The following NBN variants were observed in gnomAD, a reference collection of about 807,000 sequenced individuals.
NBN encodes Nijmegen breakage syndrome 1 (nibrin).
In NBN, 88 loss-of-function variants were observed where a neutral mutation model predicts 90.8. The observed-to-expected ratio is 0.97, with a 90% CI of 0.82 to 1.16. The LOEUF (loss-of-function observed/expected upper bound fraction) is 1.16, where lower values mean the gene tolerates loss of function less well. Among genes scored for constraint, NBN ranks in the 50% most tolerant of loss-of-function variants. The pLI is 0.00. For missense variants in NBN, 894 were observed against 869.6 expected (o/e 1.03, Z -0.35); for synonymous variants, 328 against 295.1 (o/e 1.11, Z -1.14).
At chr8:89,971,137 T>C in intron 6 of NBN, 36 bp downstream of exon 6, 1 of 1,585,116 alleles carries the variant, frequency 6.3e-7, no homozygotes, top group Non-Finnish European at 8.6e-7. Flanking sequence ...GTTTGTAATG[T>C]ATTCTTTAGG....
At position 89,933,585 on chromosome 8, in the gene NBN, GA is replaced by G. The variant is rs902712072; in HGVS notation, c.*1996del. 8.6e-6 allele frequency: 2 copies of G among 231,356 alleles called. No individual in the cohort carries two copies. The highest frequency in any genetic ancestry group is 6.2e-5 in the East Asian group (1 of 16,248). The allele number at this position is 231,356 out of a possible 1,614,324, so 14.3% of individuals were successfully genotyped here. On this transcript the variant is annotated 3_prime_UTR_variant, in exon 16 of 16. Coordinates refer to ENST00000265433, the MANE Select transcript of NBN (RefSeq NM_002485.5). ...ACAATGACTGGATACTTGTATGGGG[GA>G]AAAAAAGAACCCTGATCCATAATTC...
At position 89,958,745 on chromosome 8, in the gene NBN, T is replaced by C. The variant is rs777235726; in HGVS notation, c.1104A>G (p.Glu368=). 6.2e-7 allele frequency: 1 copy of C among 1,614,122 alleles called. No homozygotes were observed. The highest frequency in any genetic ancestry group is 8.5e-7 in the Non-Finnish European group (1 of 1,179,972). ...TTTACCATGTATCTGCTTGCTCTGA[T>C]TCTGTGTCAGCTACGTATGTTGTAG... is the stretch of plus-strand genomic sequence containing the variant. The part of the protein sequence containing the change: ...VNTTTYVADT[E]SEQADTWDLS... The change falls in exon 9 of 16, where the codon GAA becomes GAG. Residue 368 remains glutamate (E), a synonymous_variant. Transcript: ENST00000265433.
At position 89,964,339 on chromosome 8, in the gene NBN, T is replaced by C. The variant is rs564893606; in HGVS notation, c.994+71A>G. The C allele has an allele frequency of 3.1e-4, 465 of 1,519,850 alleles. 9 individuals are homozygous for C. In the South Asian group the frequency reaches 3.9e-3, roughly 13 times the overall value. The allele number at this position is 1,519,850 out of a possible 1,614,324, so 94.1% of individuals were successfully genotyped here. On this transcript the variant is annotated intron_variant, in intron 8 of 15. Coordinates refer to ENST00000265433, the MANE Select transcript of NBN (RefSeq NM_002485.5). ...TGGTCACCCCTAGCAAGTATATGAGTAACGTATATTTAGCTTATCGATTTA... is the reference window on the plus strand; with the variant it reads ...TGGTCACCCCTAGCAAGTATATGAGCAACGTATATTTAGCTTATCGATTTA...
rs1195959258 is a variant in NBN at position 89,935,086 on chromosome 8, T to TAG, written c.*495_*496insCT. The TAG allele has an allele frequency of 4.3e-6, 1 of 234,204 alleles. No individual in the cohort carries two copies. The highest frequency in any genetic ancestry group is 8.4e-6 in the Non-Finnish European group (1 of 119,052). 14.5% of individuals were successfully genotyped at this position (234,204 alleles called of 1,614,324 possible). ...AAAAATATTAAAAACATTATATTGA[T>TAG]ATTCCTATAATTTTTAATCTACTAA... On this transcript the variant is annotated 3_prime_UTR_variant, in exon 16 of 16. Transcript: ENST00000265433.
At chr8:89,978,162 T>C in intron 5 of NBN, 58 bp downstream of exon 5, 1 of 1,423,102 alleles carries the variant, frequency 7.0e-7, no homozygotes. Context: ...TTAACTTAAA[T>C]AAAAATCAAT....
rs768035973 is a variant in NBN at position 89,971,311 on chromosome 8, T to C, written c.585-21A>G. On this transcript the variant is annotated intron_variant, in intron 5 of 15. Transcript: ENST00000265433. ...AAAAACTGTAAAAATAATTAAAGTA[T>C]ATTCTAATTATATACTACTATGTTT... 2.5e-6 allele frequency: 4 copies of C among 1,589,052 alleles called. 1 individual carries two copies. In the South Asian group the frequency reaches 4.5e-5, roughly 18 times the overall value.
chr8:89,946,553 G>A, intron 12 of NBN: 1 of 404,378 alleles, frequency 2.5e-6, no homozygotes, highest in Non-Finnish European at 4.5e-6. Context: ...AAACTGTGAA[G>A]CATTTTTAAC....
chr8:89,943,369 A>G lies in NBN; in HGVS notation c.2071-3T>C, dbSNP rs1266067919. The stretch of plus-strand genomic sequence containing the variant: ...TTTCCTGCTCCAGGATATGTGACCT[A>G]TTGAATAATAAAAGTAGTACAGTAA... On this transcript the variant is annotated splice_region_variant and splice_polypyrimidine_tract_variant and intron_variant, in intron 13 of 15. Coordinates refer to ENST00000265433, the MANE Select transcript of NBN (RefSeq NM_002485.5). 1 of 1,600,512 alleles carries G rather than the reference A, an allele frequency of 6.2e-7. No individual in the cohort carries two copies.
intron 5 of NBN, 71 bp downstream of exon 5, chr8:89,978,149 G>T: frequency 1.6e-6 from 2 of 1,276,240 alleles, no homozygotes; most frequent in Non-Finnish European, 2.3e-6. Context: ...ATTAAAGAGG[G>T]AATTAACTTA....
intron 6 of NBN, among the ~76,000 whole-genome samples, chr8:89,970,820 T>C (rs1811481761): frequency 1.3e-5 from 2 of 152,140 alleles, no homozygotes; most frequent in South Asian, 4.1e-4. Flanking sequence ...CACTACAACA[T>C]AAACTCTTGG....
intron 1 of NBN, among the ~76,000 whole-genome samples, chr8:89,983,462 A>AT: frequency 6.6e-6 from 1 of 152,176 alleles, no homozygotes; most frequent in South Asian, 2.1e-4. Flanking sequence ...AAAAATGTGA[A>AT]TAATATAATA....
At chr8:89,939,452 G>GA (rs1809837008) in intron 14 of NBN, among the ~76,000 whole-genome samples, 1 of 149,500 alleles carries the variant, frequency 6.7e-6, no homozygotes, top group Admixed American at 6.6e-5. Context: ...AAAAAAAATA[G>GA]AAAAAAGTCA....
chr8:89,956,042 T>C (rs1323056164), intron 9 of NBN, among the ~76,000 whole-genome samples: 3 of 151,894 alleles, frequency 2.0e-5, no homozygotes, highest in Admixed American at 1.3e-4. Flanking sequence ...CTGATATCAT[T>C]ATTTCAGCCA....
intron 13 of NBN, among the ~76,000 whole-genome samples, chr8:89,944,475 G>A (rs559692273): frequency 6.6e-6 from 1 of 152,254 alleles, no homozygotes; most frequent in South Asian, 2.1e-4. Flanking sequence ...AGTGTGCTCA[G>A]TCCTCTCGCT....
At chr8:89,947,417 G>A (rs1054015735) in intron 12 of NBN, among the ~76,000 whole-genome samples, 5 of 152,114 alleles carry the variant, frequency 3.3e-5, no homozygotes, top group African/African-American at 4.8e-5. Context: ...ATCACCTGAG[G>A]TCGGGAGTTC....
At chr8:89,953,189 C>G (rs1403942953) in intron 11 of NBN, 55 bp downstream of exon 11, 14 of 1,283,636 alleles carry the variant, frequency 1.1e-5, no homozygotes, top group Non-Finnish European at 1.5e-5. Context: ...TCGAAAGTAC[C>G]TGTTAGCATT....
At chr8:89,937,213 A>G (rs764427399) in intron 14 of NBN, 138 bp from the exon 15 acceptor site, 45 of 722,430 alleles carry the variant, frequency 6.2e-5, no homozygotes, top group Non-Finnish European at 1.1e-4. Context: ...TGCCTCTACA[A>G]TATTTCATTC....
In NBN at chr8:89,981,448, T is replaced by A. The variant is rs955258267; in HGVS notation, c.247A>T (p.Met83Leu). The change falls in exon 3 of 16, where the codon ATG becomes TTG. Residue 83 changes from methionine to leucine, a missense_variant. Physicochemically the swap from Met to Leu is conservative, Grantham distance 15. Coordinates refer to ENST00000265433, the MANE Select transcript of NBN (RefSeq NM_002485.5). ...AAAGTTCGGGAAAAGCCATTCTGCA[T>A]TTTTTCCTCATTAACAAAGGTACCA... ...KYGTFVNEEK[M>L]QNGFSRTLKS... 1.2e-6 allele frequency: 2 copies of A among 1,614,042 alleles called. No homozygotes were observed. Among genetic ancestry groups the A allele is most frequent in the Non-Finnish European group, 1.7e-6 (2 of 1,179,934 alleles).
chr8:89,941,714 A>T (rs1233719489), intron 14 of NBN, among the ~76,000 whole-genome samples: 1 of 152,162 alleles, frequency 6.6e-6, no homozygotes, highest in Admixed American at 6.5e-5. Context: ...AGGTTTTCAC[A>T]TCTTCATTCT....
Sources: gnomAD v4.1 joint callset for allele counts (sites outside exome capture counted in the v4.1 genomes callset) on GRCh38, gnomAD v4.1.1 for gene constraint, MANE v1.5 for transcripts, NCBI Gene and HGNC (gene_info 2026-07-23, HGNC 2026-07-21) for gene names.